The following ZMYND11 variants were observed in gnomAD, a reference collection of about 807,000 sequenced individuals.
The protein encoded by ZMYND11 is zinc finger MYND-type containing 11, also known as zinc finger MYND domain-containing protein 11.
A neutral mutation model predicts 84.9 loss-of-function variants in ZMYND11; 9 were observed. That is an observed-to-expected ratio of 0.11 (90% CI 0.06 to 0.18). The LOEUF (loss-of-function observed/expected upper bound fraction) is 0.18, where lower values mean the gene tolerates loss of function less well. ZMYND11 is among the 10% of genes least tolerant of loss of function. The pLI, the probability that ZMYND11 is intolerant of heterozygous loss-of-function variation, is 1.00. For synonymous variants in ZMYND11, 250 were observed against 244.1 expected, an observed-to-expected ratio of 1.02 and a Z score of -0.23; for missense variants, 409 against 761.0, an observed-to-expected ratio of 0.54 and a Z score of 5.44.
At chr10:188,424 CA>C (rs112104422) in intron 2 of ZMYND11, among the ~76,000 whole-genome samples, 2,707 of 139,066 alleles carry the variant, frequency 0.019, 45 homozygotes, top group East Asian at 0.048. Flanking sequence ...CCCATCTCTA[CA>C]AAAAAAAAAA....
Position 179,987 on chromosome 10 carries a change from A to G in ZMYND11, c.-19-7A>G, listed in dbSNP as rs1469213300. 1.3e-6 allele frequency: 2 copies of G among 1,534,570 alleles called. No individual in the cohort carries two copies. Among genetic ancestry groups the G allele is most frequent in the African/African-American group, 2.8e-5 (2 of 72,716 alleles). ...TTTTTCCCTTATGTTTTTGTTTATT[A>G]CTGCAGCTAAAGAAGTAAACAGGTC... On this transcript the variant is annotated splice_polypyrimidine_tract_variant and splice_region_variant and intron_variant, in intron 1 of 14. Coordinates refer to ENST00000381604, the MANE Select transcript of ZMYND11 (RefSeq NM_001370100.5).
chr10:247,098 G>A, intron 11 of ZMYND11, 125 bp downstream of exon 11: 2 of 1,076,060 alleles, frequency 1.9e-6, no homozygotes, highest in Non-Finnish European at 1.3e-6. Context: ...CATTTGTAAA[G>A]TGCTCTGCAA....
intron 2 of ZMYND11, among the ~76,000 whole-genome samples, chr10:199,602 T>A (rs1021054925): frequency 6.6e-5 from 10 of 151,980 alleles, no homozygotes; most frequent in South Asian, 4.2e-4. Flanking sequence ...GCTAATTTTT[T>A]AAAATTTTTT....
chr10:150,290 G>T (rs368398723), intron 1 of ZMYND11, among the ~76,000 whole-genome samples: 89 of 152,238 alleles, frequency 5.8e-4, no homozygotes, highest in Non-Finnish European at 1.1e-3. Flanking sequence ...CAATTTCAGA[G>T]CCTGTTATTG....
At chr10:158,709 C>T (rs898805425) in intron 1 of ZMYND11, among the ~76,000 whole-genome samples, 3 of 151,926 alleles carry the variant, frequency 2.0e-5, no homozygotes, top group Non-Finnish European at 4.4e-5. Context: ...GCGTGAGCCA[C>T]TGCACCCAGC....
intron 3 of ZMYND11, chr10:218,597 C>G (rs866205277): frequency 3.9e-5 from 9 of 227,984 alleles, no homozygotes; most frequent in Middle Eastern, 4.7e-4. Context: ...TTAACTCTTG[C>G]TAGATTTGTT....
chr10:216,675 A>G (rs984095004), intron 3 of ZMYND11, among the ~76,000 whole-genome samples: 1 of 152,180 alleles, frequency 6.6e-6, no homozygotes, highest in Non-Finnish European at 1.5e-5. Flanking sequence ...TTCTGTGTGC[A>G]TTTAAACTAT....
intron 2 of ZMYND11, among the ~76,000 whole-genome samples, chr10:199,606 A>AT (rs1343985195): frequency 1.3e-5 from 2 of 151,202 alleles, no homozygotes; most frequent in Non-Finnish European, 1.5e-5. Flanking sequence ...ATTTTTTAAA[A>AT]TTTTTTTTGT....
At chr10:199,634 A>G (rs532774224) in intron 2 of ZMYND11, among the ~76,000 whole-genome samples, 1 of 151,722 alleles carries the variant, frequency 6.6e-6, no homozygotes, top group Non-Finnish European at 1.5e-5. Flanking sequence ...AGGTCTTACT[A>G]TGCTGCCCAG....
In ZMYND11 at chr10:231,900, T is replaced by C. The variant is rs186319264; in HGVS notation, c.439-4938T>C. Among the ~76,000 whole-genome samples the C allele has an allele frequency of 3.3e-3, 496 of 152,324 alleles. 5 individuals are homozygous for C. Among genetic ancestry groups the C allele is most frequent in the African/African-American group, 0.011 (450 of 41,568 alleles). On this transcript the variant is annotated intron_variant, in intron 4 of 14. Coordinates refer to ENST00000381604, the MANE Select transcript of ZMYND11 (RefSeq NM_001370100.5). ...AACAACTTTGCCATCTCATAGAATG[T>C]TTCTTTCTTGATGATTTGTAAAAGT...
At chr10:150,406 G>A (rs1222235421) in intron 1 of ZMYND11, among the ~76,000 whole-genome samples, 1 of 152,206 alleles carries the variant, frequency 6.6e-6, no homozygotes, top group African/African-American at 2.4e-5. Flanking sequence ...GCGTAGAAGT[G>A]TTTATAGTAT....
intron 1 of ZMYND11, among the ~76,000 whole-genome samples, chr10:175,437 G>A (rs549299821): frequency 1.4e-4 from 21 of 152,216 alleles, no homozygotes; most frequent in East Asian, 5.8e-4. Context: ...CTGTGGTGGC[G>A]CACGCCTGTA....
At chr10:215,561 G>T (rs868116417) in intron 3 of ZMYND11, among the ~76,000 whole-genome samples, 329 of 138,322 alleles carry the variant, frequency 2.4e-3, no homozygotes, top group East Asian at 2.5e-3. Context: ...TTTGTTTTTT[G>T]TTTTTTTTTT....
At chr10:249,544 T>A (rs1267138611) in intron 14 of ZMYND11, 1 of 984,894 alleles carries the variant, frequency 1.0e-6, no homozygotes, top group Non-Finnish European at 1.2e-6. Context: ...TTACTTTTAC[T>A]TTATAGTAGT....
intron 1 of ZMYND11, among the ~76,000 whole-genome samples, chr10:163,946 A>G (rs782084669): frequency 3.3e-5 from 5 of 152,064 alleles, no homozygotes; most frequent in Non-Finnish European, 7.4e-5. Context: ...GGAACATTTA[A>G]TTTCTCCAGA....
chr10:215,526 CT>C (rs1946045806), intron 3 of ZMYND11, among the ~76,000 whole-genome samples: 1 of 150,454 alleles, frequency 6.6e-6, no homozygotes, highest in African/African-American at 2.4e-5. Context: ...TATTATACTA[CT>C]TTTAAATAGG....
At chr10:185,287 T>G (rs1307149527) in intron 2 of ZMYND11, among the ~76,000 whole-genome samples, 1 of 152,064 alleles carries the variant, frequency 6.6e-6, no homozygotes, top group Non-Finnish European at 1.5e-5. Flanking sequence ...GGATTGTAGC[T>G]CTCAGAGATT....
chr10:227,098 A>C (rs1391377021), intron 4 of ZMYND11, among the ~76,000 whole-genome samples: 1 of 152,226 alleles, frequency 6.6e-6, no homozygotes, highest in African/African-American at 2.4e-5. Flanking sequence ...GCAGATGAGG[A>C]AATAAAGAAG....
chr10:170,187 T>G (rs1844957279), intron 1 of ZMYND11, among the ~76,000 whole-genome samples: 1 of 151,998 alleles, frequency 6.6e-6, no homozygotes, highest in Non-Finnish European at 1.5e-5. Flanking sequence ...AACTATATCT[T>G]TCATAAAAAG....
Sources: allele counts gnomAD v4.1 joint callset (sites outside exome capture counted in the v4.1 genomes callset), GRCh38; gene constraint gnomAD v4.1.1; transcripts MANE v1.5; gene names NCBI Gene and HGNC (gene_info 2026-07-23, HGNC 2026-07-21).